Variants in TSG101 observed in about 807,000 individuals in gnomAD.
TSG101 encodes tumor susceptibility gene 101 protein.
A neutral mutation model predicts 48.5 loss-of-function variants in TSG101; 19 were observed. The observed-to-expected ratio is 0.39, with a 90% CI of 0.27 to 0.58. The LOEUF is 0.58. TSG101 is among the 20% of genes least tolerant of loss of function. TSG101 has a pLI of 0.55. For missense variants in TSG101, 365 were observed against 484.4 expected (o/e 0.75, Z 2.31); for synonymous variants, 174 against 169.4 (o/e 1.03, Z -0.21).
intron 6 of TSG101, among the ~76,000 whole-genome samples, chr11:18,504,489 A>G (rs2133920414): frequency 6.6e-6 from 1 of 152,264 alleles, no homozygotes; most frequent in African/African-American, 2.4e-5. Flanking sequence ...TGAACACAGT[A>G]CTTTTGTTTC....
intron 7 of TSG101, 28 bp downstream of exon 7, chr11:18,502,456 GGT>G: frequency 6.4e-7 from 1 of 1,574,610 alleles, no homozygotes; most frequent in Non-Finnish European, 8.7e-7. Flanking sequence ...TTGCTTATAT[GGT>G]GAAACACAAG....
chr11:18,514,556 T>G (rs1022507260), intron 4 of TSG101, 122 bp downstream of exon 4: 2 of 659,292 alleles, frequency 3.0e-6, no homozygotes, highest in Admixed American at 8.1e-5. Flanking sequence ...ACTCAGTGAT[T>G]AGTCCATTAT....
intron 7 of TSG101, among the ~76,000 whole-genome samples, chr11:18,499,308 T>A (rs1437982411): frequency 1.6e-5 from 2 of 124,422 alleles, no homozygotes; most frequent in African/African-American, 3.0e-5. Context: ...ATTTATATAT[T>A]TATTTATATA....
intron 7 of TSG101, among the ~76,000 whole-genome samples, chr11:18,495,515 G>T (rs1436632709): frequency 6.6e-6 from 1 of 152,080 alleles, no homozygotes; most frequent in Admixed American, 6.5e-5. Context: ...AAACTTCATG[G>T]TGGCTCACCT....
chr11:18,484,467 A>AGCTGAAGGAGACAAGTGCCC (rs1849590590), intron 7 of TSG101, among the ~76,000 whole-genome samples: 1 of 152,244 alleles, frequency 6.6e-6, no homozygotes, highest in Non-Finnish European at 1.5e-5. Flanking sequence ...TTCGCTGCTA[A>AGCTGAAGGAGACAAGTGCCC]GCTGAAGGAG....
At chr11:18,507,503 A>C (rs1486421504) in intron 5 of TSG101, 1 of 152,242 alleles carries the variant, frequency 6.6e-6, no homozygotes, top group African/African-American at 2.4e-5. Context: ...AATACTAGGG[A>C]TAAAAGGTTA....
At chr11:18,515,409 A>C (rs1850154259) in intron 3 of TSG101, among the ~76,000 whole-genome samples, 1 of 152,232 alleles carries the variant, frequency 6.6e-6, no homozygotes, top group African/African-American at 2.4e-5. Context: ...AATAATTAAC[A>C]AACAGAGCTG....
intron 1 of TSG101, among the ~76,000 whole-genome samples, chr11:18,520,307 T>C (rs1470508753): frequency 1.3e-5 from 2 of 152,198 alleles, no homozygotes; most frequent in African/African-American, 4.8e-5. Flanking sequence ...CACTGTAACC[T>C]CGAACTCCTG....
intron 7 of TSG101, among the ~76,000 whole-genome samples, chr11:18,496,918 C>G (rs1353977512): frequency 6.6e-6 from 1 of 152,022 alleles, no homozygotes; most frequent in Non-Finnish European, 1.5e-5. Context: ...TGGTAAAACC[C>G]TGTCTCTACT....
intron 1 of TSG101, among the ~76,000 whole-genome samples, chr11:18,526,157 T>G (rs1349460442): frequency 6.6e-6 from 1 of 152,052 alleles, no homozygotes; most frequent in Non-Finnish European, 1.5e-5. Context: ...ACACTAGTCT[T>G]GAGCCGTGAA....
At chr11:18,499,400 A>ATTTTTTTTT (rs1204737360) in intron 7 of TSG101, among the ~76,000 whole-genome samples, 4 of 6,784 alleles carry the variant, frequency 5.9e-4, no homozygotes, top group Non-Finnish European at 8.2e-4. Context: ...ATATATATAT[A>ATTTTTTTTT]TATTTTTTTT....
rs1203147539 is a variant in TSG101 at position 18,502,521 on chromosome 11, G to A, written c.605C>T (p.Ser202Phe). 1.2e-6 allele frequency: 2 copies of A among 1,613,422 alleles called. No individual in the cohort carries two copies. Among genetic ancestry groups the A allele is most frequent in the South Asian group, 1.1e-5 (1 of 90,974 alleles). The stretch of plus-strand genomic sequence containing the variant: ...CACAGGAGGCTGAGAAGGGTACTGA[G>A]AACTTGTTGTGGCAGGATATGGACC... ...PGGPYPATTS[S>F]QYPSQPPVTT... Residue 202 changes from serine to phenylalanine, a missense_variant, in exon 7 of 10, where the codon TCT (serine) becomes TTT (phenylalanine). Transcript: ENST00000251968.
chr11:18,494,282 G>T (rs1186908188), intron 7 of TSG101, among the ~76,000 whole-genome samples: 2 of 152,118 alleles, frequency 1.3e-5, no homozygotes, highest in Non-Finnish European at 2.9e-5. Context: ...CAATAAATCT[G>T]AAGGAGAGTT....
intron 7 of TSG101, among the ~76,000 whole-genome samples, chr11:18,491,523 C>A (rs185991714): frequency 8.5e-5 from 13 of 152,324 alleles, no homozygotes; most frequent in Middle Eastern, 6.8e-3. Context: ...TGGGAGAAGA[C>A]AACTAGAAGC....
intron 1 of TSG101, chr11:18,525,689 T>C (rs1265205752): frequency 1.0e-6 from 1 of 985,016 alleles, no homozygotes; most frequent in Non-Finnish European, 1.2e-6. Context: ...TGGCTTCCCA[T>C]ATGTCTTCTA....
rs570236009 is a variant in TSG101 at position 18,487,546 on chromosome 11, T to A, written c.641-3474A>T. ...TCTGTAACCATTAAAATTTTTTTTC[T>A]AGTAGAGAGGTAGTCTCACTATGTT... On this transcript the variant is annotated intron_variant, in intron 7 of 9. Coordinates refer to ENST00000251968, the MANE Select transcript of TSG101 (RefSeq NM_006292.4). Among the ~76,000 whole-genome samples the A allele has an allele frequency of 2.0e-4, 30 of 152,344 alleles. No individual in the cohort carries two copies. In the South Asian group the frequency reaches 5.0e-3, roughly 25 times the overall value.
rs758688206 is a variant in TSG101 at position 18,526,753 on chromosome 11, G to C, written c.42+22C>G. 6.3e-6 allele frequency: 10 copies of C among 1,598,776 alleles called. No homozygotes were observed. The Admixed American group carries it at 1.7e-4, about 27-fold the overall frequency. ...AGGGAGCGGTGGGCGCGCCCTGGGA[G>C]GCGAGCGCGTCGCAGCCTCACCTTG... On this transcript the variant is annotated intron_variant, in intron 1 of 9. Coordinates refer to ENST00000251968, the MANE Select transcript of TSG101 (RefSeq NM_006292.4).
In TSG101 at chr11:18,481,879, G is replaced by T. The variant is rs763099765; in HGVS notation, c.844-10C>A. ...TTTTATCAACCTCGGCCTGAAAACA[G>T]AACAGTCCAAGCATTAATAACTGTA... On this transcript the variant is annotated splice_polypyrimidine_tract_variant and intron_variant, in intron 8 of 9. Coordinates refer to ENST00000251968, the MANE Select transcript of TSG101 (RefSeq NM_006292.4). The T allele has an allele frequency of 6.2e-7, 1 of 1,611,680 alleles. No homozygotes were observed. The highest frequency in any genetic ancestry group is 2.0e-4 in the Middle Eastern group (1 of 4,896).
In TSG101 at chr11:18,516,177, A is replaced by G; in HGVS notation, c.128-13T>C. 6.2e-7 allele frequency: 1 copy of G among 1,612,524 alleles called. No homozygotes were observed. ...CCATCGTTAAAAACTGAAAGGAAAG[A>G]ACAATGATTTAATCATGAGCATTTT... On this transcript the variant is annotated splice_polypyrimidine_tract_variant and intron_variant, in intron 2 of 9. Coordinates refer to ENST00000251968, the MANE Select transcript of TSG101 (RefSeq NM_006292.4).
Sources: allele counts gnomAD v4.1 joint callset (sites outside exome capture counted in the v4.1 genomes callset), GRCh38; gene constraint gnomAD v4.1.1; transcripts MANE v1.5; gene names NCBI Gene and HGNC (gene_info 2026-07-23, HGNC 2026-07-21).